The following KIRREL3 variants were observed in gnomAD, a reference collection of about 807,000 sequenced individuals.
KIRREL3 encodes the protein kin of IRRE-like protein 3.
In KIRREL3, 36 loss-of-function variants were observed where a neutral mutation model predicts 89.7. The ratio of observed to expected loss-of-function variants is 0.40; its 90% CI spans 0.31 to 0.53. The LOEUF (loss-of-function observed/expected upper bound fraction) is 0.53, where lower values mean the gene tolerates loss of function less well. Among genes scored for constraint, KIRREL3 ranks in the 20% least tolerant of loss-of-function variants. The pLI, the probability that KIRREL3 is intolerant of heterozygous loss-of-function variation, is 0.49. For missense variants in KIRREL3, 864 were observed against 1,056.6 expected, an observed-to-expected ratio of 0.82 and a Z score of 2.53; for synonymous variants, 445 against 441.4, an observed-to-expected ratio of 1.01 and a Z score of -0.10.
chr11:126,954,027 G>A lies in KIRREL3; in HGVS notation c.55+46428C>T, dbSNP rs528642708. Among the ~76,000 whole-genome samples the A allele has an allele frequency of 6.6e-6, 1 of 152,172 alleles. No homozygotes were observed. Among genetic ancestry groups the A allele is most frequent in the Admixed American group, 6.5e-5 (1 of 15,298 alleles). ...GTGAGCCTGTGTGTGTGTGCACAGG[G>A]GTGTGTGTGCACATGCGTGTGCATG... is the stretch of plus-strand genomic sequence containing the variant. On this transcript the variant is annotated intron_variant, in intron 1 of 16. Coordinates refer to ENST00000525144, the MANE Select transcript of KIRREL3 (RefSeq NM_032531.4). The surrounding 1 kb of genome is among the most constrained non-coding windows in gnomAD (Gnocchi z 4.1).
At chr11:126,637,034 T>A (rs567327993) in intron 1 of KIRREL3, among the ~76,000 whole-genome samples, 1 of 152,266 alleles carries the variant, frequency 6.6e-6, no homozygotes, top group Admixed American at 6.5e-5. Context: ...CTAGTCTCAA[T>A]GCCTGCTTAG....
At chr11:126,695,343 G>T (rs940131485) in intron 1 of KIRREL3, among the ~76,000 whole-genome samples, 10 of 141,194 alleles carry the variant, frequency 7.1e-5, no homozygotes, top group Admixed American at 1.5e-4. Flanking sequence ...CTGGCCCAGT[G>T]CTTTTCCATT....
intron 1 of KIRREL3, among the ~76,000 whole-genome samples, chr11:126,910,671 A>T (rs926291087): frequency 5.3e-5 from 8 of 152,178 alleles, no homozygotes; most frequent in Non-Finnish European, 8.8e-5. Context: ...CCCCTTTAGG[A>T]CTCCACATCA....
intron 1 of KIRREL3, among the ~76,000 whole-genome samples, chr11:126,822,785 C>T (rs1338169160): frequency 2.6e-5 from 4 of 152,050 alleles, no homozygotes; most frequent in African/African-American, 9.7e-5. Flanking sequence ...CAGGGTCTGG[C>T]CAGTGTTGTT....
chr11:126,693,262 A>G (rs1049497402), intron 1 of KIRREL3, among the ~76,000 whole-genome samples: 1 of 152,160 alleles, frequency 6.6e-6, no homozygotes, highest in Non-Finnish European at 1.5e-5. Context: ...CCAGTAAAAT[A>G]CAAAAAAAAT....
intron 9 of KIRREL3, 51 bp from the exon 10 acceptor site, chr11:126,445,156 C>G: frequency 6.2e-7 from 1 of 1,601,214 alleles, no homozygotes; most frequent in Non-Finnish European, 8.5e-7. Flanking sequence ...GGGGTGCACT[C>G]TTGTCTCTGG....
Position 126,516,783 on chromosome 11 carries a change from T to C in KIRREL3, c.433+4532A>G, listed in dbSNP as rs907178654. 6.6e-6 allele frequency among the ~76,000 whole-genome samples: 1 copy of C among 152,200 alleles called. No individual in the cohort carries two copies. Among genetic ancestry groups the C allele is most frequent in the African/African-American group, 2.4e-5 (1 of 41,454 alleles). ...CCTGTAGGTGGAAGAAGGAGCAGTC[T>C]GCATGTATATGTGTACACAACTTTA... is the stretch of plus-strand genomic sequence containing the variant. On this transcript the variant is annotated intron_variant, in intron 4 of 16. Transcript: ENST00000525144. The surrounding 1 kb of genome is among the most constrained non-coding windows in gnomAD (Gnocchi z 4.9).
At chr11:126,699,083 G>A in intron 1 of KIRREL3, among the ~76,000 whole-genome samples, 1 of 152,216 alleles carries the variant, frequency 6.6e-6, no homozygotes, top group East Asian at 1.9e-4. Context: ...GAGAGAGGCA[G>A]GACAGGTCAA....
At chr11:126,617,658 T>C (rs1049625420) in intron 1 of KIRREL3, among the ~76,000 whole-genome samples, 1 of 152,208 alleles carries the variant, frequency 6.6e-6, no homozygotes, top group Non-Finnish European at 1.5e-5. Flanking sequence ...GGGATTTGAC[T>C]CTGTTTTAGG....
At position 126,614,987 on chromosome 11, in the gene KIRREL3, G is replaced by A. The variant is rs768975568; in HGVS notation, c.56-52075C>T. Among the ~76,000 whole-genome samples the A allele has an allele frequency of 6.6e-6, 1 of 152,116 alleles. No individual in the cohort carries two copies. Among genetic ancestry groups the A allele is most frequent in the Non-Finnish European group, 1.5e-5 (1 of 68,028 alleles). ...ACTGGGACTGTTTAGCCTAGAAAAG[G>A]GGGGACTTGGGGAGAGGCGTGATTT... On this transcript the variant is annotated intron_variant, in intron 1 of 16. Transcript: ENST00000525144. The surrounding 1 kb of genome is among the most constrained non-coding windows in gnomAD (Gnocchi z 4.6).
rs1348459799 is a variant in KIRREL3, at chr11:126,432,290, G to A, written c.1589-764C>T. On this transcript the variant is annotated intron_variant, in intron 13 of 16. Transcript: ENST00000525144. This position sits in a 1 kb window ranked among gnomAD's most constrained non-coding sequence, Gnocchi z 6.2. ...GCCCTCACCCCTGCTGAGTCTCTGTGGCCTGTCTCCTGCCCAAGCCGAGTG... is the reference window on the plus strand; with the variant it reads ...GCCCTCACCCCTGCTGAGTCTCTGTAGCCTGTCTCCTGCCCAAGCCGAGTG... Among the ~76,000 whole-genome samples the A allele has an allele frequency of 1.3e-5, 2 of 152,120 alleles. No individual in the cohort carries two copies. Among genetic ancestry groups the A allele is most frequent in the African/African-American group, 4.8e-5 (2 of 41,432 alleles).
chr11:126,753,537 T>C (rs1223393768), intron 1 of KIRREL3, among the ~76,000 whole-genome samples: 2 of 152,242 alleles, frequency 1.3e-5, no homozygotes, highest in Admixed American at 1.3e-4. Flanking sequence ...AAGAGTCTTC[T>C]CTCCAGCTCT....
chr11:126,435,988 C>T (rs1955314378), intron 12 of KIRREL3, among the ~76,000 whole-genome samples: 1 of 152,224 alleles, frequency 6.6e-6, no homozygotes, highest in African/African-American at 2.4e-5. Context: ...ACCCGGCTTG[C>T]TGCTGGCTGT....
At position 126,431,439 on chromosome 11, in the gene KIRREL3, C is replaced by G. The variant is rs1955124286; in HGVS notation, c.1676G>C (p.Cys559Ser). 2.5e-6 allele frequency: 4 copies of G among 1,613,942 alleles called. No individual in the cohort carries two copies. Among genetic ancestry groups the G allele is most frequent in the Non-Finnish European group, 3.4e-6 (4 of 1,179,906 alleles). ...CGTACTTCTCTGGGAACGGGCACAG[C>G]AGAACGCCACGATGGTTGCCATAAG... ...LVLMATIVAF[C>S]CARSQRNLKG... Residue 559 changes from cysteine to serine, a missense_variant, in exon 14 of 17, where the codon TGC becomes TCC. By Grantham distance (112) the Cys-to-Ser change is moderately radical. Transcript: ENST00000525144. The surrounding 1 kb of genome is among the most constrained non-coding windows in gnomAD (Gnocchi z 7.1).
chr11:126,506,400 A>C (rs1180537558), intron 4 of KIRREL3, among the ~76,000 whole-genome samples: 1 of 152,262 alleles, frequency 6.6e-6, no homozygotes, highest in East Asian at 1.9e-4. Context: ...CTCCTATAAC[A>C]TAGTAAGACA....
chr11:126,683,713 C>T lies in KIRREL3; in HGVS notation c.56-120801G>A, dbSNP rs1447304872. Among the ~76,000 whole-genome samples, 5 of 152,222 alleles carry T rather than the reference C, an allele frequency of 3.3e-5. No individual in the cohort carries two copies. The South Asian group carries it at 8.3e-4, about 25-fold the overall frequency. Reference sequence around the variant, plus strand: ...AGGATAGAAGCTGAAAATCAGTGTGCTGATATCACCCCTTTTGTCTATGAG... The same window carrying T: ...AGGATAGAAGCTGAAAATCAGTGTGTTGATATCACCCCTTTTGTCTATGAG... On this transcript the variant is annotated intron_variant, in intron 1 of 16. Coordinates refer to ENST00000525144, the MANE Select transcript of KIRREL3 (RefSeq NM_032531.4). This position sits in a 1 kb window ranked among gnomAD's most constrained non-coding sequence, Gnocchi z 5.2.
Position 126,708,730 on chromosome 11 carries a change from G to A in KIRREL3, c.56-145818C>T, listed in dbSNP as rs1162317117. ...TCTCCGGGGCCTCCAGGGCCCTCCC[G>A]CACATTCAGCATGATCTCTGAGGAG... On this transcript the variant is annotated intron_variant, in intron 1 of 16. Transcript: ENST00000525144. This position sits in a 1 kb window ranked among gnomAD's most constrained non-coding sequence, Gnocchi z 5.7. 2.6e-5 allele frequency among the ~76,000 whole-genome samples: 4 copies of A among 152,016 alleles called. No homozygotes were observed. The highest frequency in any genetic ancestry group is 5.9e-5 in the Non-Finnish European group (4 of 68,004).
chr11:126,681,609 G>GACACACACACACACACAC (rs56325662), intron 1 of KIRREL3, among the ~76,000 whole-genome samples: 60 of 150,388 alleles, frequency 4.0e-4, no homozygotes, highest in African/African-American at 1.1e-3. Flanking sequence ...TGTATATACA[G>GACACACACACACACACAC]ACACACACAC....
chr11:126,817,978 C>T lies in KIRREL3; in HGVS notation c.55+182477G>A, dbSNP rs1409566752. 1.3e-5 allele frequency among the ~76,000 whole-genome samples: 2 copies of T among 152,184 alleles called. No homozygotes were observed. The highest frequency in any genetic ancestry group is 1.3e-4 in the Admixed American group (2 of 15,280). On this transcript the variant is annotated intron_variant, in intron 1 of 16. Transcript: ENST00000525144. The surrounding 1 kb of genome is among the most constrained non-coding windows in gnomAD (Gnocchi z 5.7). Reference sequence around the variant, plus strand: ...CAGCAGGAGGAGAGGCTCAAATGAGCCCAAGCTGATTAAGGAAGTGGCCAT... The same window carrying T: ...CAGCAGGAGGAGAGGCTCAAATGAGTCCAAGCTGATTAAGGAAGTGGCCAT...
Sources: allele counts gnomAD v4.1 joint callset (sites outside exome capture counted in the v4.1 genomes callset), GRCh38; gene constraint gnomAD v4.1.1; non-coding constraint Gnocchi (gnomAD v3.1); transcripts MANE v1.5; gene names NCBI Gene and HGNC (gene_info 2026-07-23, HGNC 2026-07-21).